Variants in PPFIA2 observed in about 807,000 individuals in gnomAD.
The protein encoded by PPFIA2 is liprin-alpha-2.
PPFIA2 carries 46 observed loss-of-function variants against 175.5 expected under a neutral mutation model. The ratio of observed to expected loss-of-function variants is 0.26; its 90% CI spans 0.21 to 0.34. PPFIA2 has a LOEUF of 0.34. Ranked by LOEUF, PPFIA2 falls within the 10% of genes least tolerant of loss-of-function variation. The pLI is 1.00. For missense variants in PPFIA2, 1,179 were observed against 1,506.1 expected (o/e 0.78, Z 3.60); for synonymous variants, 568 against 511.4 (o/e 1.11, Z -1.49).
In PPFIA2 at chr12:81,403,384, G is replaced by A. The variant is rs78088518; in HGVS notation, c.762+2403C>T. Among the ~76,000 whole-genome samples, 454 of 152,246 alleles carry A rather than the reference G, an allele frequency of 3.0e-3. 2 individuals are homozygous for A. The highest frequency in any genetic ancestry group is 6.8e-3 in the Middle Eastern group (2 of 294). On this transcript the variant is annotated intron_variant, in intron 8 of 32. Transcript: ENST00000549396. ...CATCCTAATTCTGTAACCAGTTCCC[G>A]AAAAATAATCTGTCATAAACTGTCT...
intron 7 of PPFIA2, among the ~76,000 whole-genome samples, chr12:81,437,640 T>C (rs2049323509): frequency 6.6e-6 from 1 of 152,222 alleles, no homozygotes; most frequent in Non-Finnish European, 1.5e-5. Context: ...GCTTTTATAA[T>C]AGTAGCCACC....
Position 81,640,111 on chromosome 12 carries a change from CAT to C in PPFIA2, c.303+36678_303+36679del, listed in dbSNP as rs563663270. Among the ~76,000 whole-genome samples the C allele has an allele frequency of 7.0e-4, 106 of 152,142 alleles. 3 individuals carry two copies. The East Asian group carries it at 0.016, about 24-fold the overall frequency. ...AAATATGAGTATGATTATACATAAA[CAT>C]GTGTGTATATGTATCTAAATTTAAT... On this transcript the variant is annotated intron_variant, in intron 4 of 32. Coordinates refer to ENST00000549396, the MANE Select transcript of PPFIA2 (RefSeq NM_003625.5).
Position 81,483,553 on chromosome 12 carries a change from A to T in PPFIA2, c.304-25687T>A, listed in dbSNP as rs1371474896. Among the ~76,000 whole-genome samples the T allele has an allele frequency of 2.6e-5, 4 of 152,046 alleles. No individual in the cohort carries two copies. The East Asian group carries it at 7.7e-4, about 29-fold the overall frequency. Reference sequence around the variant, plus strand: ...GTGGGGCAAGTGGGGAATAATTGCTAATAGATACAGAGAAGAGGGTGATGC... The same window carrying T: ...GTGGGGCAAGTGGGGAATAATTGCTTATAGATACAGAGAAGAGGGTGATGC... On this transcript the variant is annotated intron_variant, in intron 4 of 32. Coordinates refer to ENST00000549396, the MANE Select transcript of PPFIA2 (RefSeq NM_003625.5).
intron 4 of PPFIA2, among the ~76,000 whole-genome samples, chr12:81,524,310 G>C (rs907876223): frequency 2.6e-5 from 4 of 152,190 alleles, no homozygotes; most frequent in African/African-American, 9.7e-5. Context: ...GATGCCTGGA[G>C]CCCTGGAGCC....
intron 4 of PPFIA2, among the ~76,000 whole-genome samples, chr12:81,479,175 C>A (rs973255670): frequency 1.3e-5 from 2 of 152,082 alleles, no homozygotes; most frequent in Non-Finnish European, 2.9e-5. Context: ...TATGTAATGG[C>A]CTTCTTTGTC....
rs1014069853 is a variant in PPFIA2 at position 81,690,466 on chromosome 12, T to C, written c.250-13622A>G. Among the ~76,000 whole-genome samples, 6 of 152,132 alleles carry C rather than the reference T, an allele frequency of 3.9e-5. No individual in the cohort carries two copies. In the South Asian group the frequency reaches 8.3e-4, roughly 21 times the overall value. ...GCATCTTTACACTTAGGCACCAAAG[T>C]CTATTCCTGTCTCACTCCTCACCCT... On this transcript the variant is annotated intron_variant, in intron 3 of 32. Coordinates refer to ENST00000549396, the MANE Select transcript of PPFIA2 (RefSeq NM_003625.5).
chr12:81,484,231 TA>T (rs148164391), intron 4 of PPFIA2, among the ~76,000 whole-genome samples: 13,073 of 150,780 alleles, frequency 0.087, 814 homozygotes, highest in Middle Eastern at 0.14. Context: ...AATGGACAAA[TA>T]AAAAAAAATA....
intron 22 of PPFIA2, among the ~76,000 whole-genome samples, chr12:81,321,432 T>G (rs1171951837): frequency 6.6e-6 from 1 of 152,170 alleles, no homozygotes; most frequent in Non-Finnish European, 1.5e-5. Flanking sequence ...TTGATGACAT[T>G]AAATTTTATT....
At chr12:81,509,188 AT>A (rs1481068977) in intron 4 of PPFIA2, among the ~76,000 whole-genome samples, 3 of 152,164 alleles carry the variant, frequency 2.0e-5, no homozygotes, top group Non-Finnish European at 4.4e-5. Context: ...TCCAATTATT[AT>A]CAGTGAGATG....
chr12:81,366,986 A>G, intron 14 of PPFIA2, 122 bp downstream of exon 14: 1 of 1,129,226 alleles, frequency 8.9e-7, no homozygotes, highest in South Asian at 1.9e-5. Flanking sequence ...AAAAGTTAAA[A>G]TTGTTTTACA....
chr12:81,563,637 A>G (rs1003820155), intron 4 of PPFIA2, among the ~76,000 whole-genome samples: 2 of 152,242 alleles, frequency 1.3e-5, no homozygotes, highest in African/African-American at 4.8e-5. Context: ...AAAACAGACT[A>G]CAGCTCACCA....
intron 4 of PPFIA2, among the ~76,000 whole-genome samples, chr12:81,619,403 T>C (rs1882536): frequency 0.064 from 9,698 of 152,236 alleles, 427 homozygotes; most frequent in East Asian, 0.25. Context: ...TTTTTTCTTC[T>C]CTAAATTTCT....
intron 22 of PPFIA2, among the ~76,000 whole-genome samples, chr12:81,325,215 T>G (rs933847180): frequency 6.6e-6 from 1 of 152,130 alleles, no homozygotes; most frequent in Non-Finnish European, 1.5e-5. Flanking sequence ...TTTTGGGAAC[T>G]ACTTGCTTTC....
At chr12:81,743,307 C>T (rs2082561147) in intron 3 of PPFIA2, among the ~76,000 whole-genome samples, 1 of 143,730 alleles carries the variant, frequency 7.0e-6, no homozygotes. Flanking sequence ...GCCCCAGCTA[C>T]TGGGGAGGCT....
chr12:81,485,880 A>T (rs1482237144), intron 4 of PPFIA2, among the ~76,000 whole-genome samples: 1 of 151,858 alleles, frequency 6.6e-6, no homozygotes, highest in Non-Finnish European at 1.5e-5. Flanking sequence ...GAACTAAATG[A>T]CTTGGCAAGT....
intron 3 of PPFIA2, among the ~76,000 whole-genome samples, chr12:81,723,575 C>T (rs2079635280): frequency 6.6e-6 from 1 of 150,986 alleles, no homozygotes; most frequent in South Asian, 2.1e-4. Context: ...TTAATTCTAA[C>T]ACACTTCCCA....
chr12:81,391,282 G>A (rs1339518312), intron 8 of PPFIA2, among the ~76,000 whole-genome samples: 2 of 151,798 alleles, frequency 1.3e-5, no homozygotes, highest in Non-Finnish European at 2.9e-5. Flanking sequence ...CTTATTCTAG[G>A]AGCAGAAAAT....
At chr12:81,427,324 T>C (rs2047315111) in intron 7 of PPFIA2, among the ~76,000 whole-genome samples, 1 of 152,124 alleles carries the variant, frequency 6.6e-6, no homozygotes, top group Non-Finnish European at 1.5e-5. Flanking sequence ...TTAGGTTCTA[T>C]ATGACTCAAT....
intron 4 of PPFIA2, among the ~76,000 whole-genome samples, chr12:81,650,212 G>A (rs752872691): frequency 5.3e-5 from 8 of 151,582 alleles, no homozygotes; most frequent in Non-Finnish European, 8.8e-5. Context: ...GGCTTCACCG[G>A]GTTAGCCAGG....
Sources: allele counts gnomAD v4.1 joint callset (sites outside exome capture counted in the v4.1 genomes callset), GRCh38; gene constraint gnomAD v4.1.1; transcripts MANE v1.5; gene names NCBI Gene and HGNC (gene_info 2026-07-23, HGNC 2026-07-21).